The following SPATC1 variants were observed in gnomAD, a reference collection of about 807,000 sequenced individuals.
The protein encoded by SPATC1 is speriolin.
In SPATC1, 35 loss-of-function variants were observed where a neutral mutation model predicts 36.5. That is an observed-to-expected ratio of 0.96 (90% confidence interval 0.73 to 1.27). The LOEUF (loss-of-function observed/expected upper bound fraction) is 1.27, where lower values mean the gene tolerates loss of function less well. Among genes scored for constraint, SPATC1 ranks in the 50% most tolerant of loss-of-function variants. The probability of loss-of-function intolerance (pLI) is 0.00; values close to 1 mark genes in which losing one functional copy is unlikely to be tolerated. For synonymous variants in SPATC1, 361 were observed against 353.6 expected, an observed-to-expected ratio of 1.02 and a Z score of -0.24; for missense variants, 779 against 796.0, an observed-to-expected ratio of 0.98 and a Z score of 0.26.
chr8:144,028,181 G>T (rs1260787353), intron 1 of SPATC1, among the ~76,000 whole-genome samples: 2 of 151,954 alleles, frequency 1.3e-5, no homozygotes, highest in African/African-American at 4.8e-5. Context: ...AAAAGCAATT[G>T]CAACAAAAGC....
intron 1 of SPATC1, among the ~76,000 whole-genome samples, chr8:144,023,670 TGAAACTCCCCTC>T (rs1834602277): frequency 4.6e-3 from 1 of 216 alleles, no homozygotes; most frequent in Non-Finnish European, 8.9e-3. Context: ...CCTCTCCCCT[TGAAACTCCCCTC>T]AGGACCCCCC....
chr8:144,013,184 C>T (rs1834314650), intron 1 of SPATC1, among the ~76,000 whole-genome samples: 1 of 152,214 alleles, frequency 6.6e-6, no homozygotes, highest in African/African-American at 2.4e-5. Context: ...TCCACCTCTG[C>T]ATGGCATCTG....
Position 144,012,292 on chromosome 8 carries a change from G to A in SPATC1, c.-224G>A, listed in dbSNP as rs1587480082. The A allele has an allele frequency of 3.6e-6, 2 of 561,180 alleles. No individual in the cohort carries two copies. Among genetic ancestry groups the A allele is most frequent in the East Asian group, 2.9e-5 (1 of 34,160 alleles). 34.8% of individuals were successfully genotyped at this position (561,180 alleles called of 1,614,324 possible). The stretch of plus-strand genomic sequence containing the variant: ...AGAAAAGGTCAGGACATTCCAGGCC[G>A]AGGCAAGGCCTGTGTACAGGCCTGG... On this transcript the variant is annotated 5_prime_UTR_variant, in exon 1 of 5. Coordinates refer to ENST00000377470, the MANE Select transcript of SPATC1 (RefSeq NM_198572.3).
chr8:144,033,241 C>CA (rs1252926925), intron 1 of SPATC1, among the ~76,000 whole-genome samples: 2 of 151,956 alleles, frequency 1.3e-5, no homozygotes, highest in Admixed American at 1.3e-4. Context: ...ACTAAAAATA[C>CA]AAAAAAGTTA....
At chr8:144,032,709 AC>A (rs1304203820) in intron 1 of SPATC1, among the ~76,000 whole-genome samples, 2 of 151,400 alleles carry the variant, frequency 1.3e-5, no homozygotes, top group African/African-American at 4.9e-5. Context: ...TTGTTTAGTG[AC>A]TTTTCTAAAC....
Position 144,036,009 on chromosome 8 carries a change from C to G in SPATC1, c.212-3900C>G, listed in dbSNP as rs1031174968. ...CTCTGTCTGCCCCACTCTGTGCTCC[C>G]TCTCCTTCACGTCTGTCCTCTCCAT... On this transcript the variant is annotated intron_variant, in intron 1 of 4. Coordinates refer to ENST00000377470, the MANE Select transcript of SPATC1 (RefSeq NM_198572.3). Among the ~76,000 whole-genome samples, 8 of 152,320 alleles carry G rather than the reference C, an allele frequency of 5.3e-5. No homozygotes were observed. The South Asian group carries it at 1.7e-3, about 32-fold the overall frequency.
rs1357230858 is a variant in SPATC1 at position 144,016,143 on chromosome 8, C to A, written c.211+3417C>A. Among the ~76,000 whole-genome samples, 3 of 151,902 alleles carry A rather than the reference C, an allele frequency of 2.0e-5. No homozygotes were observed. Among genetic ancestry groups the A allele is most frequent in the Non-Finnish European group, 4.4e-5 (3 of 67,978 alleles). ...TGGTGGCAGGTGCCTGTAATCCCAG[C>A]TACTTGGGAGGCTGAGGCAGGAGAA... On this transcript the variant is annotated intron_variant, in intron 1 of 4. Transcript: ENST00000377470. The surrounding 1 kb of genome is among the most constrained non-coding windows in gnomAD (Gnocchi z 4.5).
Position 144,040,250 on chromosome 8 carries a change from G to A in SPATC1, c.553G>A (p.Ala185Thr), listed in dbSNP as rs1554755552. 6.2e-7 allele frequency: 1 copy of A among 1,612,800 alleles called. No homozygotes were observed. Among genetic ancestry groups the A allele is most frequent in the Non-Finnish European group, 8.5e-7 (1 of 1,179,840 alleles). Residue 185 changes from alanine (A) to threonine (T), a missense_variant, in exon 2 of 5, where the codon GCC (alanine) becomes ACC (threonine). Coordinates refer to ENST00000377470, the MANE Select transcript of SPATC1 (RefSeq NM_198572.3). The stretch of plus-strand genomic sequence containing the variant: ...CATGTCCCAGAGCAGCCCCCTGATA[G>A]CCCCTGTGATGGGCACGGTGGCTGT... ...VAMSQSSPLI[A>T]PVMGTVAVSL...
intron 1 of SPATC1, among the ~76,000 whole-genome samples, chr8:144,025,659 C>T (rs1834662826): frequency 6.6e-6 from 1 of 152,196 alleles, no homozygotes; most frequent in Admixed American, 6.5e-5. Context: ...CCACCCATGG[C>T]ATCTTGCAGT....
intron 1 of SPATC1, among the ~76,000 whole-genome samples, chr8:144,023,220 T>C (rs1834585120): frequency 7.5e-6 from 1 of 132,726 alleles, no homozygotes; most frequent in African/African-American, 2.9e-5. Flanking sequence ...CCCTCTCCCC[T>C]CAGGACCTAC....
chr8:144,036,789 A>G (rs2133135224), intron 1 of SPATC1, among the ~76,000 whole-genome samples: 1 of 152,194 alleles, frequency 6.6e-6, no homozygotes, highest in East Asian at 1.9e-4. Context: ...AAAAAAATCA[A>G]TCATCAAGAC....
In SPATC1 at chr8:144,046,793, G is replaced by T. The variant is rs782530456; in HGVS notation, c.1613G>T (p.Arg538Leu). The part of the protein sequence containing the change: ...LVNAYGILRE[R>L]PELAASEGGP... ...AACGCTTATGGCATCCTGCGAGAGC[G>T]CCCGGAGCTGGCGGCGTCTGAGGGC... The change falls in exon 5 of 5, where the codon CGC (arginine) becomes CTC (leucine). Residue 538 changes from arginine (R) to leucine (L), a missense_variant. By Grantham distance (102) the Arg-to-Leu change is moderately radical. Coordinates refer to ENST00000377470, the MANE Select transcript of SPATC1 (RefSeq NM_198572.3). The surrounding 1 kb of genome is among the most constrained non-coding windows in gnomAD (Gnocchi z 6.6). The T allele has an allele frequency of 1.9e-6, 3 of 1,608,104 alleles. No individual in the cohort carries two copies. The highest frequency in any genetic ancestry group is 1.7e-6 in the Non-Finnish European group (2 of 1,179,970).
chr8:144,034,313 A>C (rs1834855718), intron 1 of SPATC1, among the ~76,000 whole-genome samples: 1 of 152,172 alleles, frequency 6.6e-6, no homozygotes, highest in African/African-American at 2.4e-5. Context: ...CCACCCCTGG[A>C]CTAGCCTTGC....
At chr8:144,034,245 G>A (rs1434172866) in intron 1 of SPATC1, among the ~76,000 whole-genome samples, 2 of 152,170 alleles carry the variant, frequency 1.3e-5, no homozygotes, top group East Asian at 3.9e-4. Flanking sequence ...GGGCATGCAC[G>A]GGCCTCCATA....
intron 1 of SPATC1, among the ~76,000 whole-genome samples, chr8:144,018,420 T>A (rs1266956482): frequency 8.5e-5 from 13 of 152,176 alleles, no homozygotes; most frequent in African/African-American, 3.1e-4. Flanking sequence ...GAGAGGGCAG[T>A]AGCTGGGAGG....
At position 144,016,306 on chromosome 8, in the gene SPATC1, C is replaced by G. The variant is rs112053939; in HGVS notation, c.211+3580C>G. On this transcript the variant is annotated intron_variant, in intron 1 of 4. Transcript: ENST00000377470. The surrounding 1 kb of genome is among the most constrained non-coding windows in gnomAD (Gnocchi z 4.5). ...AGAGGATATGGTGTATCTGCTTTGACGGTGTGTGATTTGTGAGTGAATGTG... is the reference window on the plus strand; with the variant it reads ...AGAGGATATGGTGTATCTGCTTTGAGGGTGTGTGATTTGTGAGTGAATGTG... Among the ~76,000 whole-genome samples, 30 of 151,912 alleles carry G rather than the reference C, an allele frequency of 2.0e-4. No homozygotes were observed. The highest frequency in any genetic ancestry group is 8.3e-4 in the South Asian group (4 of 4,810).
At chr8:144,017,432 G>T in intron 1 of SPATC1, among the ~76,000 whole-genome samples, 1 of 152,260 alleles carries the variant, frequency 6.6e-6, no homozygotes, top group East Asian at 1.9e-4. Context: ...CTGGTCCAGA[G>T]ACCTGGCCCA....
In SPATC1 at chr8:144,016,144, T is replaced by A. The variant is rs1316991166; in HGVS notation, c.211+3418T>A. ...GGTGGCAGGTGCCTGTAATCCCAGCTACTTGGGAGGCTGAGGCAGGAGAAT... is the reference window on the plus strand; with the variant it reads ...GGTGGCAGGTGCCTGTAATCCCAGCAACTTGGGAGGCTGAGGCAGGAGAAT... On this transcript the variant is annotated intron_variant, in intron 1 of 4. Coordinates refer to ENST00000377470, the MANE Select transcript of SPATC1 (RefSeq NM_198572.3). This position sits in a 1 kb window ranked among gnomAD's most constrained non-coding sequence, Gnocchi z 4.5. Among the ~76,000 whole-genome samples, 2 of 151,870 alleles carry A rather than the reference T, an allele frequency of 1.3e-5. No individual in the cohort carries two copies. Among genetic ancestry groups the A allele is most frequent in the Non-Finnish European group, 2.9e-5 (2 of 67,972 alleles).
At chr8:144,020,241 C>CCTG (rs1834480330) in intron 1 of SPATC1, among the ~76,000 whole-genome samples, 1 of 150,604 alleles carries the variant, frequency 6.6e-6, no homozygotes, top group African/African-American at 2.5e-5. Context: ...TCTCTCAGGA[C>CCTG]ACTCTTCCCT....
Sources: gnomAD v4.1 joint callset for allele counts (sites outside exome capture counted in the v4.1 genomes callset) on GRCh38, gnomAD v4.1.1 for gene constraint, Gnocchi (gnomAD v3.1) non-coding constraint, MANE v1.5 for transcripts, NCBI Gene and HGNC (gene_info 2026-07-23, HGNC 2026-07-21) for gene names.